Variants in GATA4 observed in about 807,000 individuals in gnomAD.
GATA4 encodes the protein transcription factor GATA-4.
In GATA4, 7 loss-of-function variants were observed where a neutral mutation model predicts 37.9. The observed-to-expected ratio is 0.18, with a 90% CI of 0.11 to 0.35. GATA4 has a LOEUF of 0.35. Among genes scored for constraint, GATA4 ranks in the 10% least tolerant of loss-of-function variants. The pLI is 1.00. For synonymous variants in GATA4, 372 were observed against 292.6 expected (o/e 1.27, Z -2.77); for missense variants, 647 against 653.0 (o/e 0.99, Z 0.10).
At chr8:11,746,594 A>C (rs1205566524) in intron 2 of GATA4, among the ~76,000 whole-genome samples, 1 of 152,218 alleles carries the variant, frequency 6.6e-6, no homozygotes, top group Non-Finnish European at 1.5e-5. Context: ...GCTTGGTCTA[A>C]TGTCCTTCTG....
At chr8:11,731,375 G>C (rs118149259) in intron 2 of GATA4, among the ~76,000 whole-genome samples, 10 of 152,262 alleles carry the variant, frequency 6.6e-5, no homozygotes, top group Admixed American at 5.2e-4. Context: ...AATGTGGTCT[G>C]TGTGCTCAGT....
upstream of GATA4, chr8:11,692,611 C>T: frequency 2.0e-6 from 2 of 985,298 alleles, no homozygotes; most frequent in South Asian, 4.7e-5. Flanking sequence ...GGGCGGGAAC[C>T]GGCTTCTGGG....
chr8:11,708,644 C>T lies in GATA4; in HGVS notation c.332C>T (p.Pro111Leu), dbSNP rs1800011133. The change falls in exon 2 of 7, where the codon CCG (proline) becomes CTG (leucine). Residue 111 changes from proline (P) to leucine (L), a missense_variant. Pro to Leu is a moderately conservative substitution (Grantham distance 98). Coordinates refer to ENST00000532059, the MANE Select transcript of GATA4 (RefSeq NM_001308093.3). This position sits in a 1 kb window ranked among gnomAD's most constrained non-coding sequence, Gnocchi z 6.7. ...CCGGTGTCGCCGCGCTTCTCCTTCCCGGGGACCACCGGGTCCCTGGCGGCC... is the reference window on the plus strand; with the variant it reads ...CCGGTGTCGCCGCGCTTCTCCTTCCTGGGGACCACCGGGTCCCTGGCGGCC... ...PPPVSPRFSF[P>L]GTTGSLAAAA... 1 of 1,326,516 alleles carries T rather than the reference C, an allele frequency of 7.5e-7. No homozygotes were observed. 82.2% of individuals were successfully genotyped at this position (1,326,516 alleles called of 1,614,324 possible).
intron 1 of GATA4, among the ~76,000 whole-genome samples, chr8:11,679,483 GGAGGA>G (rs1798885401): frequency 6.6e-6 from 1 of 152,052 alleles, no homozygotes; most frequent in South Asian, 2.1e-4. Flanking sequence ...CCGAGGGCCG[GGAGGA>G]GAGGAGAGTG....
chr8:11,720,035 A>G (rs967749285), intron 2 of GATA4, among the ~76,000 whole-genome samples: 4 of 152,058 alleles, frequency 2.6e-5, no homozygotes, highest in Non-Finnish European at 4.4e-5. Context: ...GGGGTGACCC[A>G]AGATCCCAGC....
chr8:11,718,765 G>T (rs1411581071), intron 2 of GATA4, among the ~76,000 whole-genome samples: 2 of 152,198 alleles, frequency 1.3e-5, no homozygotes, highest in Non-Finnish European at 2.9e-5. Context: ...TCTACTTCTA[G>T]AAATCCAGTC....
At position 11,755,076 on chromosome 8, in the gene GATA4, G is replaced by A. The variant is rs377222076; in HGVS notation, c.943G>A (p.Gly315Arg). 1.9e-6 allele frequency: 3 copies of A among 1,613,966 alleles called. No individual in the cohort carries two copies. The African/African-American group carries it at 4.0e-5, about 22-fold the overall frequency. ...CAGGCCTCTTGCAATGCGGAAAGAG[G>A]GGATCCAAACCAGAAAACGGAAGCC... is the stretch of plus-strand genomic sequence containing the variant. ...VPRPLAMRKEGIQTRKRKPKN... is the reference protein window; with the variant it reads ...VPRPLAMRKERIQTRKRKPKN... Residue 315 changes from glycine (G) to arginine (R), a missense_variant, in exon 5 of 7, where the codon GGG (glycine) becomes AGG (arginine). By Grantham distance (125) the Gly-to-Arg change is moderately radical (BLOSUM62 -2). Coordinates refer to ENST00000532059, the MANE Select transcript of GATA4 (RefSeq NM_001308093.3).
intron 4 of GATA4, among the ~76,000 whole-genome samples, chr8:11,753,655 C>T (rs1585695277): frequency 6.6e-6 from 1 of 151,960 alleles, no homozygotes; most frequent in East Asian, 1.9e-4. Flanking sequence ...TGTAGAGTCA[C>T]AGAGAGATGT....
At chr8:11,701,538 G>T (rs1042084689), upstream of GATA4, among the ~76,000 whole-genome samples, 1 of 152,174 alleles carries the variant, frequency 6.6e-6, no homozygotes, top group Non-Finnish European at 1.5e-5. Context: ...CCCGCTCCTG[G>T]CAACGCACAG....
intron 2 of GATA4, among the ~76,000 whole-genome samples, chr8:11,742,910 A>T (rs1028558595): frequency 6.6e-6 from 1 of 152,194 alleles, no homozygotes; most frequent in Admixed American, 6.5e-5. Context: ...CTTTGCTCTG[A>T]AGCCCCTTTG....
At chr8:11,735,524 T>C (rs13259242) in intron 2 of GATA4, among the ~76,000 whole-genome samples, 15 of 152,162 alleles carry the variant, frequency 9.9e-5, no homozygotes, top group Non-Finnish European at 2.1e-4. Flanking sequence ...GATGGGATCA[T>C]GGTGATGGTG....
intron 2 of GATA4, among the ~76,000 whole-genome samples, chr8:11,737,642 T>C (rs1801527132): frequency 1.3e-5 from 2 of 152,178 alleles, no homozygotes. Flanking sequence ...GCTAGGGTGC[T>C]GTGAAAGATG....
chr8:11,742,069 C>T (rs1004335645), intron 2 of GATA4, among the ~76,000 whole-genome samples: 1 of 152,132 alleles, frequency 6.6e-6, no homozygotes, highest in African/African-American at 2.4e-5. Flanking sequence ...CCATTGCCAT[C>T]CTCTCCTGGA....
chr8:11,708,638 C>T lies in GATA4; in HGVS notation c.326C>T (p.Ser109Phe). The stretch of plus-strand genomic sequence containing the variant: ...CCGCCGCCGGTGTCGCCGCGCTTCT[C>T]CTTCCCGGGGACCACCGGGTCCCTG... Reference protein sequence around the residue: ...YTPPPVSPRFSFPGTTGSLAA... With the variant: ...YTPPPVSPRFFFPGTTGSLAA... The change falls in exon 2 of 7, where the codon TCC becomes TTC. Residue 109 changes from serine to phenylalanine, a missense_variant. By Grantham distance (155) the Ser-to-Phe change is radical. Coordinates refer to ENST00000532059, the MANE Select transcript of GATA4 (RefSeq NM_001308093.3). The surrounding 1 kb of genome is among the most constrained non-coding windows in gnomAD (Gnocchi z 6.7). 7.5e-7 allele frequency: 1 copy of T among 1,336,530 alleles called. No individual in the cohort carries two copies. Among genetic ancestry groups the T allele is most frequent in the Non-Finnish European group, 9.6e-7 (1 of 1,044,704 alleles). The allele number at this position is 1,336,530 out of a possible 1,614,324, so 82.8% of individuals were successfully genotyped here.
In GATA4 at chr8:11,709,577, G is replaced by GGAGGGGGC. The variant is rs1554488909; in HGVS notation, c.616+650_616+651insAGGGGGCG. On this transcript the variant is annotated intron_variant, in intron 2 of 6. Transcript: ENST00000532059. The surrounding 1 kb of genome is among the most constrained non-coding windows in gnomAD (Gnocchi z 4.3). ...GCGTGGGCGCATCATGCGGGCAGCG[G>GGAGGGGGC]GGGGGGGGGCGCACACGCCCGGTCA... Among the ~76,000 whole-genome samples, 1 of 136,380 alleles carries GGAGGGGGC rather than the reference G, an allele frequency of 7.3e-6. No individual in the cohort carries two copies. Among genetic ancestry groups the GGAGGGGGC allele is most frequent in the Admixed American group, 7.1e-5 (1 of 14,168 alleles). The allele number at this position is 136,380 out of a possible 152,430, so 89.5% of individuals were successfully genotyped here.
chr8:11,715,467 G>A (rs1345685182), intron 2 of GATA4, among the ~76,000 whole-genome samples: 5 of 152,006 alleles, frequency 3.3e-5, no homozygotes, highest in African/African-American at 7.2e-5. Flanking sequence ...TCAAATCATC[G>A]GCTGGGTGCA....
rs1046620652 is a variant in GATA4 at position 11,749,188 on chromosome 8, C to T, written c.786+103C>T. 9 of 1,152,780 alleles carry T rather than the reference C, an allele frequency of 7.8e-6. No individual in the cohort carries two copies. The highest frequency in any genetic ancestry group is 1.3e-5 in the South Asian group (1 of 76,788). 71.4% of individuals were successfully genotyped at this position (1,152,780 alleles called of 1,614,324 possible). On this transcript the variant is annotated intron_variant, in intron 3 of 6. Coordinates refer to ENST00000532059, the MANE Select transcript of GATA4 (RefSeq NM_001308093.3). The surrounding 1 kb of genome is among the most constrained non-coding windows in gnomAD (Gnocchi z 4.6). ...AATTTTGGAACTTGAGGGTGTGCAT[C>T]GGGGATTACGTGGGTGAGAGCCCCA... is the stretch of plus-strand genomic sequence containing the variant.
intron 2 of GATA4, among the ~76,000 whole-genome samples, chr8:11,727,953 G>A (rs748895228): frequency 6.6e-6 from 1 of 152,074 alleles, no homozygotes; most frequent in Non-Finnish European, 1.5e-5. Flanking sequence ...CATAGTACTC[G>A]GCATGTAGTA....
intron 2 of GATA4, among the ~76,000 whole-genome samples, chr8:11,730,162 C>T (rs1381048805): frequency 1.3e-5 from 2 of 152,188 alleles, no homozygotes; most frequent in Admixed American, 6.5e-5. Context: ...GATACTCCTG[C>T]CTCAGCCTCC....
Sources: allele counts gnomAD v4.1 joint callset (sites outside exome capture counted in the v4.1 genomes callset), GRCh38; gene constraint gnomAD v4.1.1; non-coding constraint Gnocchi (gnomAD v3.1); transcripts MANE v1.5; gene names NCBI Gene and HGNC (gene_info 2026-07-23, HGNC 2026-07-21).